The following ATF6 variants were observed in gnomAD, a reference collection of about 807,000 sequenced individuals.
The protein encoded by ATF6 is activating transcription factor 6, also known as cyclic AMP-dependent transcription factor ATF-6 alpha.
In ATF6, 53 loss-of-function variants were observed where a neutral mutation model predicts 83.6. The ratio of observed to expected loss-of-function variants is 0.63; its 90% CI spans 0.51 to 0.80. The LOEUF (loss-of-function observed/expected upper bound fraction) is 0.80. ATF6 is among the 30% of genes least tolerant of loss of function. The pLI, the probability that ATF6 is intolerant of heterozygous loss-of-function variation, is 0.00. For missense variants in ATF6, 744 were observed against 797.9 expected (o/e 0.93, Z 0.81); for synonymous variants, 288 against 285.8 (o/e 1.01, Z -0.08).
chr1:161,787,447 G>T (rs2101735490), intron 4 of ATF6, among the ~76,000 whole-genome samples: 1 of 152,172 alleles, frequency 6.6e-6, no homozygotes, highest in East Asian at 1.9e-4. Flanking sequence ...TCTCCTTTGG[G>T]CTCTGATGTC....
chr1:161,930,242 T>G (rs949372443), intron 15 of ATF6, among the ~76,000 whole-genome samples: 2 of 152,238 alleles, frequency 1.3e-5, no homozygotes, highest in African/African-American at 4.8e-5. Flanking sequence ...ACCTCCCACT[T>G]AGTTTAGTTG....
Position 161,806,526 on chromosome 1 carries a change from T to C in ATF6, c.909+4254T>C, listed in dbSNP as rs553720958. Among the ~76,000 whole-genome samples the C allele has an allele frequency of 4.6e-5, 7 of 152,266 alleles. No homozygotes were observed. In the East Asian group the frequency reaches 1.4e-3, roughly 29 times the overall value. On this transcript the variant is annotated intron_variant, in intron 7 of 15. Coordinates refer to ENST00000367942, the MANE Select transcript of ATF6 (RefSeq NM_007348.4). ...GGTGGGAATAATGGAAAGAAAAGTA[T>C]CCAGAACTGATATAGAACTATAAAT... is the stretch of plus-strand genomic sequence containing the variant.
chr1:161,951,958 C>T (rs148796625), intron 15 of ATF6, among the ~76,000 whole-genome samples: 1 of 152,282 alleles, frequency 6.6e-6, no homozygotes, highest in Non-Finnish European at 1.5e-5. Flanking sequence ...GTAATAGTAC[C>T]TGGCCATTAC....
In ATF6 at chr1:161,885,999, T is replaced by G. The variant is rs536193592; in HGVS notation, c.1719+22687T>G. On this transcript the variant is annotated intron_variant, in intron 14 of 15. Transcript: ENST00000367942. ...AACAGCTTTATGAGGTAGATATCAT[T>G]ACACTATTTTACTTGTGCCAAGAGC... Among the ~76,000 whole-genome samples the G allele has an allele frequency of 2.6e-5, 4 of 152,320 alleles. No homozygotes were observed. The East Asian group carries it at 7.7e-4, about 29-fold the overall frequency.
intron 15 of ATF6, among the ~76,000 whole-genome samples, chr1:161,941,374 G>C (rs181815648): frequency 6.6e-6 from 1 of 152,334 alleles, no homozygotes; most frequent in Admixed American, 6.5e-5. Context: ...TTGTGTGTTT[G>C]AAGGTATTCT....
chr1:161,946,713 C>T (rs996003384), intron 15 of ATF6, among the ~76,000 whole-genome samples: 26 of 152,140 alleles, frequency 1.7e-4, no homozygotes, highest in African/African-American at 6.3e-4. Context: ...CTCAATTTTG[C>T]CCATTTTTCA....
chr1:161,777,029 T>TA (rs1684531345), intron 1 of ATF6, among the ~76,000 whole-genome samples: 1 of 152,198 alleles, frequency 6.6e-6, no homozygotes, highest in Non-Finnish European at 1.5e-5. Flanking sequence ...ATGCTTCAGT[T>TA]AAAATGAAAG....
At chr1:161,890,060 G>C (rs973742477) in intron 14 of ATF6, among the ~76,000 whole-genome samples, 14 of 152,270 alleles carry the variant, frequency 9.2e-5, no homozygotes, top group South Asian at 6.2e-4. Flanking sequence ...TCTGAGAACA[G>C]GTTAAATACT....
intron 3 of ATF6, among the ~76,000 whole-genome samples, chr1:161,783,447 A>C (rs527544701): frequency 2.6e-5 from 4 of 152,252 alleles, no homozygotes; most frequent in Middle Eastern, 3.4e-3. Flanking sequence ...TGCTCAGTAC[A>C]TTTTTATAGG....
At chr1:161,949,142 A>G (rs1445453364) in intron 15 of ATF6, among the ~76,000 whole-genome samples, 2 of 151,704 alleles carry the variant, frequency 1.3e-5, no homozygotes, top group Non-Finnish European at 2.9e-5. Flanking sequence ...CAGTTTCTTG[A>G]GTTTAGCAGA....
intron 1 of ATF6, among the ~76,000 whole-genome samples, chr1:161,767,307 T>C (rs1684287394): frequency 6.6e-6 from 1 of 152,220 alleles, no homozygotes; most frequent in Non-Finnish European, 1.5e-5. Flanking sequence ...GCATTCTCAA[T>C]AGCAGGAGTG....
rs150975425 is a variant in ATF6, at chr1:161,926,421, T to G, written c.1804+14041T>G. ...TGTTGACTGGGGCTGAAGACTTGATTGGGTCTCAGGGATGTGCCTCCACAT... is the reference window on the plus strand; with the variant it reads ...TGTTGACTGGGGCTGAAGACTTGATGGGGTCTCAGGGATGTGCCTCCACAT... On this transcript the variant is annotated intron_variant, in intron 15 of 15. Coordinates refer to ENST00000367942, the MANE Select transcript of ATF6 (RefSeq NM_007348.4). Among the ~76,000 whole-genome samples the G allele has an allele frequency of 3.3e-3, 495 of 152,230 alleles. 5 individuals are homozygous for G. Among genetic ancestry groups the G allele is most frequent in the South Asian group, 0.025 (121 of 4,824 alleles).
intron 4 of ATF6, among the ~76,000 whole-genome samples, chr1:161,784,408 A>C (rs531541034): frequency 6.6e-6 from 1 of 151,246 alleles, no homozygotes; most frequent in Non-Finnish European, 1.5e-5. Flanking sequence ...TCTCCTCCCT[A>C]TTAGGATATA....
Position 161,782,000 on chromosome 1 carries a change from G to A in ATF6, c.247+1G>A, listed in dbSNP as rs1172162357. 3 of 1,580,720 alleles carry A rather than the reference G, an allele frequency of 1.9e-6. No homozygotes were observed. Among genetic ancestry groups the A allele is most frequent in the Non-Finnish European group, 2.6e-6 (3 of 1,158,712 alleles). On this transcript the variant is annotated splice_donor_variant, in intron 3 of 15. Transcript: ENST00000367942. LOFTEE classifies it high-confidence loss of function. The stretch of plus-strand genomic sequence containing the variant: ...GACATCAACAACCAAATCTGTACAG[G>A]TAATTATGTGTTTCACTGGTAAAAG...
At chr1:161,774,012 C>T (rs1056196184) in intron 1 of ATF6, among the ~76,000 whole-genome samples, 3 of 152,118 alleles carry the variant, frequency 2.0e-5, no homozygotes, top group African/African-American at 4.8e-5. Context: ...CTTAATATTA[C>T]CCACACTTTC....
chr1:161,931,941 G>T (rs1270342172), intron 15 of ATF6, among the ~76,000 whole-genome samples: 1 of 152,136 alleles, frequency 6.6e-6, no homozygotes, highest in Non-Finnish European at 1.5e-5. Flanking sequence ...TTGTGGAGTA[G>T]CCTGAAATGA....
intron 14 of ATF6, among the ~76,000 whole-genome samples, chr1:161,908,592 T>G (rs1256287226): frequency 1.4e-5 from 2 of 142,600 alleles, no homozygotes; most frequent in Non-Finnish European, 3.0e-5. Flanking sequence ...TTGATTATAA[T>G]ATTTGTCCAC....
chr1:161,839,423 T>G (rs1686301892), intron 9 of ATF6, among the ~76,000 whole-genome samples: 2 of 152,106 alleles, frequency 1.3e-5, no homozygotes, highest in Admixed American at 1.3e-4. Context: ...AGTACAGCAA[T>G]GCAATCACGG....
chr1:161,950,736 C>T (rs1166950140), intron 15 of ATF6, among the ~76,000 whole-genome samples: 1 of 152,098 alleles, frequency 6.6e-6, no homozygotes, highest in African/African-American at 2.4e-5. Context: ...CTCATGGGCC[C>T]CTTTGTACAC....
Sources: gnomAD v4.1 joint callset for allele counts (sites outside exome capture counted in the v4.1 genomes callset) on GRCh38, gnomAD v4.1.1 for gene constraint, MANE v1.5 for transcripts, NCBI Gene and HGNC (gene_info 2026-07-23, HGNC 2026-07-21) for gene names.